ANKRD6: variants seen among roughly 807,000 people sequenced by gnomAD.
ANKRD6 encodes ankyrin repeat domain 6, also known as ankyrin repeat domain-containing protein 6.
Under a neutral mutation model 82.3 loss-of-function variants are expected in ANKRD6, and 56 were observed. That is an observed-to-expected ratio of 0.68 (90% CI 0.55 to 0.85). ANKRD6 has a LOEUF of 0.85. ANKRD6 is among the 40% of genes least tolerant of loss of function. ANKRD6 has a pLI of 0.00. For missense variants in ANKRD6, 852 were observed against 907.6 expected (o/e 0.94, Z 0.79); for synonymous variants, 347 against 352.1 (o/e 0.99, Z 0.16).
intron 1 of ANKRD6, among the ~76,000 whole-genome samples, chr6:89,470,850 G>A (rs190826746): frequency 6.6e-6 from 1 of 151,998 alleles, no homozygotes; most frequent in African/African-American, 2.4e-5. Flanking sequence ...ATGCCCAACT[G>A]CCCATCAAAA....
chr6:89,515,192 C>G (rs954920866), intron 1 of ANKRD6, among the ~76,000 whole-genome samples: 2 of 152,104 alleles, frequency 1.3e-5, no homozygotes, highest in African/African-American at 4.8e-5. Context: ...TAGTGTCTTT[C>G]CAGTATGTCC....
intron 1 of ANKRD6, among the ~76,000 whole-genome samples, chr6:89,529,098 TG>T (rs1461671540): frequency 1.3e-5 from 2 of 152,240 alleles, no homozygotes; most frequent in African/African-American, 4.8e-5. Flanking sequence ...AGAGTCACCC[TG>T]TCCTTTGAAG....
intron 1 of ANKRD6, among the ~76,000 whole-genome samples, chr6:89,460,972 C>G (rs1418033318): frequency 7.0e-6 from 1 of 142,630 alleles, no homozygotes. Context: ...CTGTTCACAG[C>G]TCACTGCAAC....
intron 1 of ANKRD6, among the ~76,000 whole-genome samples, chr6:89,441,516 C>G (rs1300489196): frequency 6.6e-6 from 1 of 151,336 alleles, no homozygotes; most frequent in Non-Finnish European, 1.5e-5. Context: ...ACTTCTCAAA[C>G]TTATGCATAT....
At chr6:89,568,064 C>T (rs1471300344) in intron 2 of ANKRD6, 1 of 152,222 alleles carries the variant, frequency 6.6e-6, no homozygotes, top group Non-Finnish European at 1.5e-5. Context: ...TCTTGAGCTA[C>T]TTGTAGGTCC....
intron 5 of ANKRD6, among the ~76,000 whole-genome samples, chr6:89,611,080 G>T (rs1375099859): frequency 6.6e-6 from 1 of 152,116 alleles, no homozygotes; most frequent in Non-Finnish European, 1.5e-5. Context: ...GTGCCTGGAG[G>T]TAAAAGTGAG....
chr6:89,533,701 TGAGAGA>T (rs146850369), intron 1 of ANKRD6, among the ~76,000 whole-genome samples: 5 of 145,158 alleles, frequency 3.4e-5, no homozygotes, highest in East Asian at 4.1e-4. Flanking sequence ...CCATCACGAA[TGAGAGA>T]GAGAGAGAGA....
intron 1 of ANKRD6, among the ~76,000 whole-genome samples, chr6:89,472,776 G>A (rs980161225): frequency 2.0e-5 from 3 of 152,096 alleles, no homozygotes; most frequent in Non-Finnish European, 4.4e-5. Flanking sequence ...ATTCAGAGAC[G>A]GTTCTGCCGG....
chr6:89,499,400 C>T (rs945026565), intron 1 of ANKRD6, among the ~76,000 whole-genome samples: 18 of 152,160 alleles, frequency 1.2e-4, no homozygotes, highest in African/African-American at 4.3e-4. Context: ...TTCATTGATA[C>T]TTATGTGTTT....
intron 1 of ANKRD6, among the ~76,000 whole-genome samples, chr6:89,446,260 G>C (rs1031352632): frequency 3.9e-5 from 6 of 152,160 alleles, no homozygotes; most frequent in Non-Finnish European, 8.8e-5. Flanking sequence ...GCTGAGGCAG[G>C]AGAATCCCTT....
chr6:89,543,056 C>G (rs183939018), intron 1 of ANKRD6, among the ~76,000 whole-genome samples: 10 of 152,268 alleles, frequency 6.6e-5, no homozygotes, highest in Non-Finnish European at 1.2e-4. Context: ...TTTTACGGTA[C>G]TTAACATTCA....
At chr6:89,585,601 T>C (rs1298037046) in intron 2 of ANKRD6, among the ~76,000 whole-genome samples, 1 of 152,208 alleles carries the variant, frequency 6.6e-6, no homozygotes, top group Non-Finnish European at 1.5e-5. Context: ...CGATTAGAGA[T>C]GCAAGTTTTA....
At chr6:89,440,820 A>G (rs1440902409) in intron 1 of ANKRD6, among the ~76,000 whole-genome samples, 2 of 151,790 alleles carry the variant, frequency 1.3e-5, no homozygotes, top group African/African-American at 4.8e-5. Context: ...AAAAAAAAAA[A>G]GTTGTACTAG....
At chr6:89,603,331 T>C (rs1797694279) in intron 4 of ANKRD6, among the ~76,000 whole-genome samples, 1 of 147,864 alleles carries the variant, frequency 6.8e-6, no homozygotes. Context: ...TTTTTTTTTT[T>C]TTTTTTTTTT....
chr6:89,535,545 C>T (rs1783718711), intron 1 of ANKRD6, among the ~76,000 whole-genome samples: 1 of 152,208 alleles, frequency 6.6e-6, no homozygotes, highest in African/African-American at 2.4e-5. Context: ...AATTCTTGCC[C>T]TGTACCTGGC....
chr6:89,551,117 C>T (rs1189903468), intron 1 of ANKRD6, among the ~76,000 whole-genome samples: 1 of 152,074 alleles, frequency 6.6e-6, no homozygotes, highest in Non-Finnish European at 1.5e-5. Flanking sequence ...GTTAATTCAG[C>T]AAATATCTGA....
chr6:89,529,786 C>T (rs192277871), intron 1 of ANKRD6, among the ~76,000 whole-genome samples: 2 of 152,110 alleles, frequency 1.3e-5, no homozygotes, highest in East Asian at 3.9e-4. Flanking sequence ...TAGGGAGGCC[C>T]AAGGAGAGGG....
intron 2 of ANKRD6, among the ~76,000 whole-genome samples, chr6:89,586,470 C>CTT (rs2128129503): frequency 6.6e-6 from 1 of 151,976 alleles, no homozygotes; most frequent in East Asian, 1.9e-4. Flanking sequence ...GGGCGGATCA[C>CTT]AAGGTCAAGA....
At chr6:89,462,920 A>T (rs181213971) in intron 1 of ANKRD6, among the ~76,000 whole-genome samples, 4 of 150,990 alleles carry the variant, frequency 2.6e-5, no homozygotes, top group African/African-American at 4.9e-5. Context: ...CCCAGCCTGA[A>T]ATGCAGTGGT....
Sources: gnomAD v4.1 joint callset for allele counts (sites outside exome capture counted in the v4.1 genomes callset) on GRCh38, gnomAD v4.1.1 for gene constraint, MANE v1.5 for transcripts, NCBI Gene and HGNC (gene_info 2026-07-23, HGNC 2026-07-21) for gene names.